STK36: variants seen among roughly 807,000 people sequenced by gnomAD.
The protein encoded by STK36 is serine/threonine kinase 36, also known as serine/threonine-protein kinase 36.
Under a neutral mutation model 142.2 loss-of-function variants are expected in STK36, and 116 were observed. The ratio of observed to expected loss-of-function variants is 0.82; its 90% CI spans 0.70 to 0.95. The LOEUF is 0.95. STK36 is among the 40% of genes least tolerant of loss of function. STK36 has a pLI of 0.00. For synonymous variants in STK36, 619 were observed against 641.7 expected (o/e 0.96, Z 0.53); for missense variants, 1,422 against 1,617.2 (o/e 0.88, Z 2.07).
Position 218,698,681 on chromosome 2 carries a change from CCT to C in STK36, c.3143_3144del (p.Leu1048GlnfsTer12). 1 of 1,614,220 alleles carries C rather than the reference CCT, an allele frequency of 6.2e-7. No individual in the cohort carries two copies. Among genetic ancestry groups the C allele is most frequent in the Non-Finnish European group, 8.5e-7 (1 of 1,180,044 alleles). On this transcript the variant is annotated frameshift_variant, in exon 26 of 27. Transcript: ENST00000295709. LOFTEE classifies it high-confidence loss of function. ...ACACGCCTGGCCCTCATGGATCCCA[CCT>C]CTCTCAACCAGTTTGTGAACACAGT...
chr2:218,699,306 C>T lies in STK36; in HGVS notation c.3762C>T (p.Leu1254=). 2 of 1,614,092 alleles carry T rather than the reference C, an allele frequency of 1.2e-6. No homozygotes were observed. Among genetic ancestry groups the T allele is most frequent in the South Asian group, 2.2e-5 (2 of 91,084 alleles). Residue 1254 remains leucine, a synonymous_variant, in exon 26 of 27, where the codon CTC becomes CTT. Coordinates refer to ENST00000295709, the MANE Select transcript of STK36 (RefSeq NM_015690.5). The part of the protein sequence containing the change: ...DPQPNVKEAA[L]IALRSLQQEP... Reference sequence around the variant, plus strand: ...AGCCAAATGTGAAGGAGGCTGCCCTCATTGCCCTCCGGAGCCTGCAACAGG... The same window carrying T: ...AGCCAAATGTGAAGGAGGCTGCCCTTATTGCCCTCCGGAGCCTGCAACAGG...
Position 218,673,646 on chromosome 2 carries a change from C to T in STK36, c.106C>T (p.Pro36Ser). 6.2e-7 allele frequency: 1 copy of T among 1,613,980 alleles called. No homozygotes were observed. Among genetic ancestry groups the T allele is most frequent in the Non-Finnish European group, 8.5e-7 (1 of 1,179,968 alleles). ...SAQVVALKFI[P>S]KLGRSEKELR... ...ACAGGTCGTGGCCCTGAAGTTCATC[C>T]CAAAATTGGGGCGCTCAGAGAAGGA... The change falls in exon 3 of 27, where the codon CCA (proline) becomes TCA (serine). Residue 36 changes from proline to serine, a missense_variant. Around this residue, in one of 2 missense-constraint regions of STK36, gnomAD observed 460 missense variants for 449.6 expected, o/e 1.02. Coordinates refer to ENST00000295709, the MANE Select transcript of STK36 (RefSeq NM_015690.5).
intron 11 of STK36, among the ~76,000 whole-genome samples, chr2:218,686,165 T>G (rs1395708990): frequency 6.6e-6 from 1 of 152,154 alleles, no homozygotes; most frequent in Non-Finnish European, 1.5e-5. Context: ...GGTCTTGAAC[T>G]CCTGACCTTG....
At chr2:218,700,141 G>A (rs1038984335) in intron 26 of STK36, among the ~76,000 whole-genome samples, 5 of 151,844 alleles carry the variant, frequency 3.3e-5, no homozygotes, top group Non-Finnish European at 7.4e-5. Flanking sequence ...GGCTGGTCTC[G>A]AACTCCCAAC....
intron 24 of STK36, 58 bp from the exon 25 acceptor site, chr2:218,697,796 G>A: frequency 2.5e-6 from 4 of 1,611,800 alleles, no homozygotes; most frequent in Non-Finnish European, 3.4e-6. Context: ...AGGAGGGAGG[G>A]AGGAATGATA....
chr2:218,675,520 CTTTTTTTTTT>C (rs33970984), intron 5 of STK36, 47 bp downstream of exon 5: 9 of 1,148,306 alleles, frequency 7.8e-6, no homozygotes, highest in South Asian at 1.6e-5. Flanking sequence ...CACACGGAAT[CTTTTTTTTTT>C]TTTTTTTTTT....
Position 218,694,195 on chromosome 2 carries a change from G to C in STK36, c.2337-69G>C. On this transcript the variant is annotated intron_variant, in intron 19 of 26. Transcript: ENST00000295709. This position sits in a 1 kb window ranked among gnomAD's most constrained non-coding sequence, Gnocchi z 4.4. ...GCCTAGGTGAAGAACACCATGCAAG[G>C]GAGAGGGGAGGCCGCTTACCAACCT... 7.4e-7 allele frequency: 1 copy of C among 1,359,252 alleles called. No individual in the cohort carries two copies. Among genetic ancestry groups the C allele is most frequent in the Non-Finnish European group, 1.1e-6 (1 of 948,626 alleles). The allele number at this position is 1,359,252 out of a possible 1,614,324, so 84.2% of individuals were successfully genotyped here.
At chr2:218,692,734 C>T (rs1410736224) in intron 16 of STK36, 24 bp downstream of exon 16, 4 of 1,600,620 alleles carry the variant, frequency 2.5e-6, no homozygotes, top group African/African-American at 2.7e-5. Context: ...TTGGTTGTTC[C>T]TCTCATCCTA....
rs1208059244 is a variant in STK36, at chr2:218,701,879, T to G, written c.3818T>G (p.Leu1273Arg). 1 of 1,614,156 alleles carries G rather than the reference T, an allele frequency of 6.2e-7. No individual in the cohort carries two copies. Among genetic ancestry groups the G allele is most frequent in the Admixed American group, 1.7e-5 (1 of 60,012 alleles). Residue 1273 changes from leucine to arginine, a missense_variant, in exon 27 of 27, where the codon CTG (leucine) becomes CGG (arginine). This residue lies in a region of STK36 where 962 missense variants were observed against 1,167.5 expected (regional missense o/e 0.82). Coordinates refer to ENST00000295709, the MANE Select transcript of STK36 (RefSeq NM_015690.5). Reference protein sequence around the residue: ...EPGIHQVLVSLGASEKLSLLS... With the variant: ...EPGIHQVLVSRGASEKLSLLS... ...TCTATCCTACAGGTACTGGTGTCCC[T>G]GGGTGCCAGTGAGAAACTATCCTTG... is the stretch of plus-strand genomic sequence containing the variant.
chr2:218,682,317 A>G (rs1021036741), intron 10 of STK36, among the ~76,000 whole-genome samples: 3 of 152,284 alleles, frequency 2.0e-5, no homozygotes, highest in South Asian at 2.1e-4. Flanking sequence ...CCCTATGGAC[A>G]TAGCATCTTT....
At chr2:218,693,182 T>A (rs886348075) in intron 16 of STK36, 58 bp from the exon 17 acceptor site, 13 of 1,446,622 alleles carry the variant, frequency 9.0e-6, no homozygotes, top group Non-Finnish European at 1.3e-5. Context: ...TGGACATATG[T>A]GAGGAATAGG....
At chr2:218,672,547 T>G in intron 1 of STK36, 194 bp from the exon 2 acceptor site, 1 of 392,270 alleles carries the variant, frequency 2.5e-6, no homozygotes, top group Non-Finnish European at 4.7e-6. Flanking sequence ...GGGAACCAGG[T>G]GTTAGTTGGG....
Position 218,697,511 on chromosome 2 carries a change from C to T in STK36, c.2810C>T (p.Pro937Leu), listed in dbSNP as rs375698009. The T allele has an allele frequency of 6.2e-7, 1 of 1,614,056 alleles. No homozygotes were observed. The highest frequency in any genetic ancestry group is 8.5e-7 in the Non-Finnish European group (1 of 1,180,040). Residue 937 changes from proline to leucine, a missense_variant, in exon 24 of 27, where the codon CCC (proline) becomes CTC (leucine). By Grantham distance (98) the Pro-to-Leu change is moderately conservative. This residue lies in a region of STK36 where 962 missense variants were observed against 1,167.5 expected (regional missense o/e 0.82). Coordinates refer to ENST00000295709, the MANE Select transcript of STK36 (RefSeq NM_015690.5). ...GCCATGGCCACCTTTACCCAGGAGC[C>T]CCAGTTATGCCTGAGCTGCCTGTCC... ...SLAMATFTQE[P>L]QLCLSCLSQH...
intron 26 of STK36, among the ~76,000 whole-genome samples, chr2:218,700,240 G>A (rs1941394158): frequency 6.6e-6 from 1 of 151,006 alleles, no homozygotes; most frequent in South Asian, 2.1e-4. Context: ...AATATCACTC[G>A]TTGCCCAGGC....
chr2:218,674,501 A>C (rs1327317028), intron 4 of STK36, among the ~76,000 whole-genome samples: 1 of 152,192 alleles, frequency 6.6e-6, no homozygotes, highest in Non-Finnish European at 1.5e-5. Flanking sequence ...GTACCCAAGC[A>C]AGTAGGCCCC....
At chr2:218,690,608 C>A (rs1940963684) in intron 14 of STK36, 53 bp downstream of exon 14, 3 of 1,383,514 alleles carry the variant, frequency 2.2e-6, no homozygotes, top group Non-Finnish European at 1.0e-6. Flanking sequence ...CTCCGTGTTT[C>A]TCCCATCCCC....
chr2:218,690,631 A>G (rs1230809177), intron 14 of STK36, 76 bp downstream of exon 14: 3 of 1,143,052 alleles, frequency 2.6e-6, no homozygotes, highest in African/African-American at 1.5e-5. Context: ...TCTTATGACT[A>G]TGTAGGGTCA....
chr2:218,696,594 T>C lies in STK36; in HGVS notation c.2579T>C (p.Leu860Pro). 6.2e-7 allele frequency: 1 copy of C among 1,614,078 alleles called. No individual in the cohort carries two copies. The highest frequency in any genetic ancestry group is 8.5e-7 in the Non-Finnish European group (1 of 1,179,918). The change falls in exon 22 of 27, where the codon CTC becomes CCC. Residue 860 changes from leucine (L) to proline (P), a missense_variant. Physicochemically the swap from Leu to Pro is moderately conservative, Grantham distance 98. Around this residue, in one of 2 missense-constraint regions of STK36, gnomAD observed 962 missense variants for 1,167.5 expected, o/e 0.82. Transcript: ENST00000295709. ...DGLLILLLQL[L>P]TEQGKASLIR... ...CTCCTTATCCTTCTGTTGCAGCTCC[T>C]CACTGAGGTACAGATGGATCTTGGG...
At chr2:218,679,142 T>G (rs1940386157) in intron 6 of STK36, 26 bp from the exon 7 acceptor site, 3 of 1,607,298 alleles carry the variant, frequency 1.9e-6, no homozygotes, top group Non-Finnish European at 2.6e-6. Context: ...AAAGAATGAC[T>G]GATGGAATAT....
Sources: allele counts gnomAD v4.1 joint callset (sites outside exome capture counted in the v4.1 genomes callset), GRCh38; gene constraint gnomAD v4.1.1; regional missense constraint gnomAD v4.1.1; non-coding constraint Gnocchi (gnomAD v3.1); transcripts MANE v1.5; gene names NCBI Gene and HGNC (gene_info 2026-07-23, HGNC 2026-07-21).